Variants in SULF1 observed in about 807,000 individuals in gnomAD.
SULF1 encodes sulfatase 1, also known as extracellular sulfatase Sulf-1.
SULF1 carries 46 observed loss-of-function variants against 110.5 expected under a neutral mutation model. The observed-to-expected ratio is 0.42, with a 90% CI of 0.33 to 0.53. SULF1 has a LOEUF of 0.53. Ranked by LOEUF, SULF1 falls within the 20% of genes least tolerant of loss-of-function variation. SULF1 has a pLI of 0.12. For missense variants in SULF1, 941 were observed against 1,094.2 expected (o/e 0.86, Z 1.98); for synonymous variants, 371 against 387.1 (o/e 0.96, Z 0.49).
chr8:69,604,289 T>G (rs1586527642), intron 12 of SULF1, among the ~76,000 whole-genome samples: 1 of 152,140 alleles, frequency 6.6e-6, no homozygotes, highest in East Asian at 1.9e-4. Context: ...CCTCCCCACG[T>G]TCTTCTCTAA....
chr8:69,629,444 C>T, intron 18 of SULF1, 60 bp from the exon 19 acceptor site: 1 of 1,519,046 alleles, frequency 6.6e-7, no homozygotes, highest in African/African-American at 1.4e-5. Flanking sequence ...AGCAACAAGC[C>T]TATTTGTAAT....
At chr8:69,541,722 T>C (rs183949012) in intron 3 of SULF1, among the ~76,000 whole-genome samples, 77 of 152,330 alleles carry the variant, frequency 5.1e-4, no homozygotes, top group African/African-American at 1.7e-3. Context: ...TTTTCAAATA[T>C]TTGTTAGGGA....
chr8:69,650,495 T>C (rs1812250208), intron 22 of SULF1, among the ~76,000 whole-genome samples: 1 of 152,048 alleles, frequency 6.6e-6, no homozygotes, highest in Non-Finnish European at 1.5e-5. Context: ...ATTCAAAACA[T>C]TAGCTGGGCT....
intron 3 of SULF1, among the ~76,000 whole-genome samples, chr8:69,548,133 A>G (rs1814417351): frequency 6.6e-6 from 1 of 152,162 alleles, no homozygotes; most frequent in Non-Finnish European, 1.5e-5. Flanking sequence ...TCACGTCTTC[A>G]TTCTTATTTT....
intron 15 of SULF1, 40 bp from the exon 16 acceptor site, chr8:69,627,170 A>G (rs1168424534): frequency 6.8e-7 from 1 of 1,467,280 alleles, no homozygotes; most frequent in Non-Finnish European, 9.5e-7. Flanking sequence ...CTGCTATTAG[A>G]ATATAAACCT....
chr8:69,573,039 C>T (rs1175420671), intron 5 of SULF1, among the ~76,000 whole-genome samples: 1 of 152,238 alleles, frequency 6.6e-6, no homozygotes, highest in African/African-American at 2.4e-5. Flanking sequence ...GTCGGCCAGA[C>T]TGGTCTTGAA....
intron 8 of SULF1, among the ~76,000 whole-genome samples, chr8:69,591,905 T>G (rs1806937284): frequency 6.6e-6 from 1 of 152,210 alleles, no homozygotes; most frequent in South Asian, 2.1e-4. Flanking sequence ...CCATACAGCC[T>G]GGAAATACTA....
rs747602888 is a variant in SULF1, at chr8:69,601,840, C to G, written c.1061+11C>G. ...AGAACCAGGATCAATGTACGTATTT[C>G]TCTGTTTGCAACATTCAACTGTCGT... On this transcript the variant is annotated intron_variant, in intron 10 of 22. Transcript: ENST00000402687. 3 of 1,595,470 alleles carry G rather than the reference C, an allele frequency of 1.9e-6. No homozygotes were observed. Among genetic ancestry groups the G allele is most frequent in the African/African-American group, 2.7e-5 (2 of 74,356 alleles).
intron 8 of SULF1, among the ~76,000 whole-genome samples, 182 bp downstream of exon 8, chr8:69,589,323 T>C (rs1806705815): frequency 6.6e-6 from 1 of 152,144 alleles, no homozygotes. Context: ...AGAAAGCGCC[T>C]TATCTGGGTG....
chr8:69,650,793 C>T (rs989218835), intron 22 of SULF1, among the ~76,000 whole-genome samples: 4 of 152,146 alleles, frequency 2.6e-5, no homozygotes, highest in African/African-American at 7.2e-5. Flanking sequence ...GAAGCATCCT[C>T]ATCATTTTTT....
upstream of SULF1, among the ~76,000 whole-genome samples, chr8:69,489,779 T>G (rs187743812): frequency 5.6e-3 from 844 of 152,012 alleles, 5 homozygotes; most frequent in Non-Finnish European, 8.5e-3. Flanking sequence ...GGTTTCACCA[T>G]GTTAGCCAGG....
chr8:69,611,371 A>G (rs1009857496), intron 13 of SULF1, among the ~76,000 whole-genome samples: 1 of 152,224 alleles, frequency 6.6e-6, no homozygotes, highest in Non-Finnish European at 1.5e-5. Flanking sequence ...TATCTAGATT[A>G]AAATCTATAA....
At chr8:69,590,506 C>T (rs1806818506) in intron 8 of SULF1, among the ~76,000 whole-genome samples, 1 of 152,134 alleles carries the variant, frequency 6.6e-6, no homozygotes, top group Non-Finnish European at 1.5e-5. Context: ...AACTGATTGA[C>T]TTATGACTCC....
At chr8:69,497,276 G>A (rs1232086268) in intron 2 of SULF1, among the ~76,000 whole-genome samples, 1 of 149,452 alleles carries the variant, frequency 6.7e-6, no homozygotes, top group Non-Finnish European at 1.5e-5. Flanking sequence ...TCCTGCCTCA[G>A]CCTCCTGAGT....
chr8:69,649,810 G>A (rs1272556138), intron 22 of SULF1, among the ~76,000 whole-genome samples: 1 of 151,846 alleles, frequency 6.6e-6, no homozygotes, highest in East Asian at 1.9e-4. Flanking sequence ...CAAAGGTGGA[G>A]TTTGCTAGGT....
intron 5 of SULF1, among the ~76,000 whole-genome samples, chr8:69,566,913 C>T (rs151222695): frequency 6.6e-6 from 1 of 152,318 alleles, no homozygotes; most frequent in East Asian, 1.9e-4. Context: ...TTACTATTCT[C>T]TCTTTAATTT....
In SULF1 at chr8:69,658,989, T is replaced by C. The variant is rs757260391; in HGVS notation, c.*454T>C. ...GAAAAACCGAAAAATGGACGGGGCA[T>C]GAAGAGACTAATCATCTGGAAACCG... is the stretch of plus-strand genomic sequence containing the variant. On this transcript the variant is annotated 3_prime_UTR_variant, in exon 23 of 23. Transcript: ENST00000402687. 2.2e-5 allele frequency: 10 copies of C among 457,400 alleles called. No homozygotes were observed. The highest frequency in any genetic ancestry group is 1.8e-4 in the African/African-American group (9 of 50,086). The allele number at this position is 457,400 out of a possible 1,614,324, so 28.3% of individuals were successfully genotyped here. A position where few individuals can be genotyped will look rare whatever the true frequency, so the allele number is the denominator to read the frequency against.
chr8:69,592,966 T>A (rs1178230315), intron 8 of SULF1: 1 of 987,380 alleles, frequency 1.0e-6, no homozygotes, highest in African/African-American at 1.7e-5. Flanking sequence ...CTTTTCCAGG[T>A]GCAAGTATGT....
intron 13 of SULF1, among the ~76,000 whole-genome samples, chr8:69,606,015 C>G (rs1808196612): frequency 6.6e-6 from 1 of 152,168 alleles, no homozygotes; most frequent in African/African-American, 2.4e-5. Context: ...TAACTGACCT[C>G]TAGATATCCA....
Sources: gnomAD v4.1 joint callset for allele counts (sites outside exome capture counted in the v4.1 genomes callset) on GRCh38, gnomAD v4.1.1 for gene constraint, MANE v1.5 for transcripts, NCBI Gene and HGNC (gene_info 2026-07-23, HGNC 2026-07-21) for gene names.